SEC24B: variants seen among roughly 807,000 people sequenced by gnomAD.
SEC24B encodes protein transport protein Sec24B.
A neutral mutation model predicts 142.8 loss-of-function variants in SEC24B; 45 were observed. The ratio of observed to expected loss-of-function variants is 0.32; its 90% confidence interval spans 0.25 to 0.40. SEC24B has a LOEUF of 0.40. Ranked by LOEUF, SEC24B falls within the 10% of genes least tolerant of loss-of-function variation. The probability of loss-of-function intolerance (pLI) is 1.00; values close to 1 mark genes in which losing one functional copy is unlikely to be tolerated. For missense variants in SEC24B, 1,409 were observed against 1,526.8 expected (o/e 0.92, Z 1.29); for synonymous variants, 574 against 568.2 (o/e 1.01, Z -0.15).
chr4:109,508,362 T>A (rs1736942395), intron 7 of SEC24B, among the ~76,000 whole-genome samples: 1 of 151,924 alleles, frequency 6.6e-6, no homozygotes, highest in Admixed American at 6.6e-5. Context: ...CCCAGGAGTT[T>A]GTGACCAGCC....
At chr4:109,524,167 CTCTA>C (rs977378121) in intron 14 of SEC24B, among the ~76,000 whole-genome samples, 103 of 152,210 alleles carry the variant, frequency 6.8e-4, no homozygotes, top group Non-Finnish European at 7.7e-4. Context: ...CAAAAATATT[CTCTA>C]TCTGTCTGCC....
intron 20 of SEC24B, among the ~76,000 whole-genome samples, chr4:109,531,873 T>C (rs1309623100): frequency 1.3e-5 from 2 of 152,252 alleles, no homozygotes; most frequent in Non-Finnish European, 2.9e-5. Context: ...TTAAATTTTA[T>C]TTTAAAGACA....
chr4:109,496,521 G>A (rs1735560770), intron 6 of SEC24B, among the ~76,000 whole-genome samples: 1 of 152,120 alleles, frequency 6.6e-6, no homozygotes, highest in South Asian at 2.1e-4. Flanking sequence ...ATGAGAAATA[G>A]GATAATCAGT....
intron 5 of SEC24B, among the ~76,000 whole-genome samples, 156 bp downstream of exon 5, chr4:109,491,563 G>C (rs758598772): frequency 6.6e-6 from 1 of 152,064 alleles, no homozygotes; most frequent in East Asian, 1.9e-4. Context: ...ACTTAATAGC[G>C]TTGTCACTAA....
intron 1 of SEC24B, among the ~76,000 whole-genome samples, chr4:109,441,410 T>A (rs1427136897): frequency 6.6e-6 from 1 of 152,118 alleles, no homozygotes; most frequent in South Asian, 2.1e-4. Flanking sequence ...ATGTAGTAGA[T>A]TCTGAACCAA....
intron 1 of SEC24B, among the ~76,000 whole-genome samples, chr4:109,462,291 C>G (rs187913870): frequency 1.3e-5 from 2 of 152,318 alleles, no homozygotes; most frequent in African/African-American, 4.8e-5. Flanking sequence ...AGCTTAACAA[C>G]TTGTAAAACA....
chr4:109,445,106 G>A (rs939351504), intron 1 of SEC24B, among the ~76,000 whole-genome samples: 1 of 151,956 alleles, frequency 6.6e-6, no homozygotes. Flanking sequence ...TGTAATTTTT[G>A]TAGAGATGGA....
At chr4:109,493,685 A>G (rs987126093) in intron 5 of SEC24B, among the ~76,000 whole-genome samples, 4 of 150,708 alleles carry the variant, frequency 2.7e-5, no homozygotes, top group Non-Finnish European at 4.4e-5. Context: ...CTGGAGTGCA[A>G]TGGCGCAATC....
At chr4:109,476,196 A>G (rs957903096) in intron 3 of SEC24B, among the ~76,000 whole-genome samples, 10 of 152,110 alleles carry the variant, frequency 6.6e-5, no homozygotes, top group African/African-American at 2.4e-4. Context: ...CATGTTGACC[A>G]GGCTGGTCTC....
At chr4:109,455,224 A>T in intron 1 of SEC24B, among the ~76,000 whole-genome samples, 1 of 151,890 alleles carries the variant, frequency 6.6e-6, no homozygotes, top group African/African-American at 2.4e-5. Flanking sequence ...ATTTTCTCTT[A>T]AGTGTTTAAT....
chr4:109,512,661 T>TA (rs1737477695), intron 9 of SEC24B, among the ~76,000 whole-genome samples: 1 of 151,676 alleles, frequency 6.6e-6, no homozygotes. Flanking sequence ...TTTTTTTTTT[T>TA]AATTTTTTTT....
intron 1 of SEC24B, among the ~76,000 whole-genome samples, chr4:109,444,813 G>T (rs1729287480): frequency 6.6e-6 from 1 of 152,086 alleles, no homozygotes; most frequent in Admixed American, 6.6e-5. Context: ...CATTCAGATT[G>T]GTACCAGTGA....
chr4:109,520,482 A>C lies in SEC24B; in HGVS notation c.2243A>C (p.Asp748Ala). The change falls in exon 12 of 24, where the codon GAT (aspartate) becomes GCT (alanine). Residue 748 changes from aspartate (D) to alanine (A), a missense_variant and splice_region_variant. Physicochemically the swap from Asp to Ala is moderately radical, Grantham distance 126. Transcript: ENST00000265175. ...QPQMLIVSDI[D>A]DVFLPTPDSL... Reference sequence around the variant, plus strand: ...CAAATGTTGATTGTGTCTGATATAGATGGTAAGCAGTCAGTAAAATAAAAG... The same window carrying C: ...CAAATGTTGATTGTGTCTGATATAGCTGGTAAGCAGTCAGTAAAATAAAAG... 3 of 1,564,164 alleles carry C rather than the reference A, an allele frequency of 1.9e-6. No homozygotes were observed. Among genetic ancestry groups the C allele is most frequent in the Non-Finnish European group, 2.6e-6 (3 of 1,137,118 alleles).
At chr4:109,477,043 A>G (rs1296947889) in intron 3 of SEC24B, among the ~76,000 whole-genome samples, 2 of 149,890 alleles carry the variant, frequency 1.3e-5, no homozygotes, top group African/African-American at 2.4e-5. Context: ...AGGCTGAGGC[A>G]GGAGAATGGC....
intron 2 of SEC24B, among the ~76,000 whole-genome samples, chr4:109,467,325 C>T (rs1211230377): frequency 5.0e-5 from 3 of 59,850 alleles, no homozygotes; most frequent in African/African-American, 1.3e-4. Flanking sequence ...GACTCCGTCT[C>T]AAAAAAAAAA....
At chr4:109,514,661 G>A (rs1305236780) in intron 10 of SEC24B, among the ~76,000 whole-genome samples, 2 of 152,198 alleles carry the variant, frequency 1.3e-5, no homozygotes, top group African/African-American at 4.8e-5. Context: ...TTGTGCCATG[G>A]CACACCAGCC....
rs566571233 is a variant in SEC24B, at chr4:109,539,300, A to T, written c.3693-261A>T. On this transcript the variant is annotated intron_variant, in intron 23 of 23. Coordinates refer to ENST00000265175, the MANE Select transcript of SEC24B (RefSeq NM_006323.5). ...TTTTTTTTTTTTTTAAGCAATGGGG[A>T]TCTTTCTATCTTGCCCAGGCTGGTC... Among the ~76,000 whole-genome samples, 299 of 149,198 alleles carry T rather than the reference A, an allele frequency of 2.0e-3. 1 individual carries two copies. Among genetic ancestry groups the T allele is most frequent in the African/African-American group, 7.0e-3 (284 of 40,454 alleles).
intron 9 of SEC24B, among the ~76,000 whole-genome samples, chr4:109,513,432 C>T (rs1364339887): frequency 2.6e-5 from 4 of 151,706 alleles, no homozygotes; most frequent in African/African-American, 4.8e-5. Context: ...TACAGGCGCA[C>T]ACCACTATGC....
chr4:109,524,495 C>T (rs767813857), intron 14 of SEC24B, among the ~76,000 whole-genome samples: 3 of 152,120 alleles, frequency 2.0e-5, no homozygotes, highest in Admixed American at 6.5e-5. Flanking sequence ...ATTCCAATAT[C>T]CACTTCTCAA....
Sources: allele counts gnomAD v4.1 joint callset (sites outside exome capture counted in the v4.1 genomes callset), GRCh38; gene constraint gnomAD v4.1.1; transcripts MANE v1.5; gene names NCBI Gene and HGNC (gene_info 2026-07-23, HGNC 2026-07-21).